Variants in TMPRSS9 observed in about 807,000 individuals in gnomAD.
The protein encoded by TMPRSS9 is transmembrane serine protease 9, also known as transmembrane protease serine 9.
A neutral mutation model predicts 111.4 loss-of-function variants in TMPRSS9; 113 were observed. The observed-to-expected ratio is 1.01, with a 90% CI of 0.87 to 1.19. The LOEUF (loss-of-function observed/expected upper bound fraction) is 1.19, where lower values mean the gene tolerates loss of function less well. Among genes scored for constraint, TMPRSS9 ranks in the 50% most tolerant of loss-of-function variants. The probability of loss-of-function intolerance (pLI) is 0.00; values close to 1 mark genes in which losing one functional copy is unlikely to be tolerated. For synonymous variants in TMPRSS9, 805 were observed against 659.1 expected, an observed-to-expected ratio of 1.22 and a Z score of -3.39; for missense variants, 1,803 against 1,513.1, an observed-to-expected ratio of 1.19 and a Z score of -3.18.
chr19:2,363,385 T>C (rs1352143120), intron 1 of TMPRSS9, among the ~76,000 whole-genome samples: 2 of 151,912 alleles, frequency 1.3e-5, no homozygotes, highest in East Asian at 1.9e-4. Flanking sequence ...CTGTGGTTGG[T>C]TAAGGGCTTT....
At chr19:2,376,010 A>T (rs1318559919) in intron 1 of TMPRSS9, among the ~76,000 whole-genome samples, 1 of 152,226 alleles carries the variant, frequency 6.6e-6, no homozygotes, top group East Asian at 1.9e-4. Context: ...CTCCGAAGTC[A>T]GCATCGAGTA....
intron 1 of TMPRSS9, among the ~76,000 whole-genome samples, chr19:2,368,786 T>TG (rs1384928777): frequency 3.4e-5 from 4 of 116,612 alleles, no homozygotes; most frequent in African/African-American, 1.5e-4. Flanking sequence ...TTTTTTTTTT[T>TG]TTTTTTTTTT....
chr19:2,365,620 A>C (rs1360341734), intron 1 of TMPRSS9, among the ~76,000 whole-genome samples: 3 of 146,946 alleles, frequency 2.0e-5, no homozygotes, highest in East Asian at 3.9e-4. Flanking sequence ...AAACAAACAA[A>C]CAAAAAAAAC....
Position 2,418,354 on chromosome 19 carries a change from C to T in TMPRSS9, c.2154+216C>T, listed in dbSNP as rs1287763897. Among the ~76,000 whole-genome samples, 17 of 69,054 alleles carry T rather than the reference C, an allele frequency of 2.5e-4. No homozygotes were observed. In the East Asian group the frequency reaches 7.9e-3, roughly 32 times the overall value. The allele number at this position is 69,054 out of a possible 152,430, so 45.3% of individuals were successfully genotyped here. On this transcript the variant is annotated intron_variant, in intron 13 of 17. Coordinates refer to ENST00000648592, the Ensembl canonical transcript of TMPRSS9. The stretch of plus-strand genomic sequence containing the variant: ...CCCTTTCCTTCCCTCCCTTTCCCTC[C>T]CTCCCTCCCTTCCCTTCCCTCCCTC...
intron 1 of TMPRSS9, among the ~76,000 whole-genome samples, chr19:2,376,235 C>T (rs1970332988): frequency 6.6e-6 from 1 of 152,140 alleles, no homozygotes; most frequent in Non-Finnish European, 1.5e-5. Context: ...CAGCCTCTTC[C>T]AGTCTCCCTG....
intron 17 of TMPRSS9, 164 bp downstream of exon 18, chr19:2,425,657 A>G (rs1971604626): frequency 1.5e-6 from 2 of 1,340,150 alleles, no homozygotes; most frequent in African/African-American, 3.1e-5. Flanking sequence ...TCCACTCCAC[A>G]GCCGTTTATT....
intron 1 of TMPRSS9, among the ~76,000 whole-genome samples, chr19:2,380,466 T>G (rs1022818297): frequency 3.3e-5 from 5 of 150,934 alleles, no homozygotes; most frequent in Non-Finnish European, 5.9e-5. Context: ...CCAGGCATGG[T>G]GGCATGCACC....
chr19:2,377,837 T>C (rs113132014), intron 1 of TMPRSS9, among the ~76,000 whole-genome samples: 14,282 of 144,764 alleles, frequency 0.099, 1,397 homozygotes, highest in African/African-American at 0.26. Flanking sequence ...CTCAGCCTCC[T>C]GAGTGGCTGG....
intron 1 of TMPRSS9, among the ~76,000 whole-genome samples, chr19:2,393,890 C>A (rs1970651589): frequency 9.9e-6 from 1 of 101,330 alleles, no homozygotes. Context: ...AAAGGGAGAC[C>A]ATGTCTCCAA....
chr19:2,395,875 G>A (rs530693057), intron 1 of TMPRSS9, among the ~76,000 whole-genome samples: 14 of 151,976 alleles, frequency 9.2e-5, no homozygotes, highest in African/African-American at 1.7e-4. Context: ...ACGCGTGGTC[G>A]TGGGTGCCTG....
At chr19:2,377,079 C>G (rs975371919) in intron 1 of TMPRSS9, among the ~76,000 whole-genome samples, 2 of 151,298 alleles carry the variant, frequency 1.3e-5, no homozygotes, top group Non-Finnish European at 2.9e-5. Flanking sequence ...GATCCCCACT[C>G]CTGGCTATCC....
Position 2,413,724 on chromosome 19 carries a change from T to C in TMPRSS9, c.1279T>C (p.Cys427Arg), listed in dbSNP as rs773529271. Residue 427 changes from cysteine (C) to arginine (R), a missense_variant, in exon 10 of 18, where the codon TGC becomes CGC. Physicochemically the swap from Cys to Arg is radical, Grantham distance 180. Transcript: ENST00000648592. ...GGGTGACTCAGGAGGACCCCTGGTC[T>C]GCGAGGAGCCCTCTGGCCGGTTCTT... 5.9e-5 allele frequency: 95 copies of C among 1,611,726 alleles called. No individual in the cohort carries two copies. The Admixed American group carries it at 9.0e-4, about 15-fold the overall frequency.
intron 6 of TMPRSS9, among the ~76,000 whole-genome samples, chr19:2,403,996 A>G (rs1970911774): frequency 6.7e-6 from 1 of 149,482 alleles, no homozygotes; most frequent in Non-Finnish European, 1.5e-5. Context: ...TGTCTCAAAA[A>G]AAAAAAAAAA....
intron 1 of TMPRSS9, among the ~76,000 whole-genome samples, chr19:2,366,002 AAAGAG>A (rs1431308473): frequency 3.3e-5 from 5 of 151,752 alleles, no homozygotes; most frequent in South Asian, 2.1e-4. Context: ...AGAGATGGAG[AAAGAG>A]AAGAGAAGAA....
In TMPRSS9 at chr19:2,422,238, C is replaced by T; in HGVS notation, c.2539C>T (p.Gln847Ter). 4 of 1,508,132 alleles carry T rather than the reference C, an allele frequency of 2.7e-6. No homozygotes were observed. The allele number at this position is 1,508,132 out of a possible 1,614,324, so 93.4% of individuals were successfully genotyped here. The change falls in exon 14 of 18, where the codon CAG becomes TAG. Residue 847 changes from glutamine (Q) to a stop codon, truncating the protein, a stop_gained. Coordinates refer to ENST00000648592, the Ensembl canonical transcript of TMPRSS9. LOFTEE classifies it high-confidence loss of function. Reference sequence around the variant, plus strand: ...CGCCCCGGAGGCCACCACACACACCCAGCTACCAGGTACCGGGAGAGACGG... The same window carrying T: ...CGCCCCGGAGGCCACCACACACACCTAGCTACCAGGTACCGGGAGAGACGG...
At chr19:2,360,736 G>A (rs1317094380) in intron 1 of TMPRSS9, among the ~76,000 whole-genome samples, 1 of 151,370 alleles carries the variant, frequency 6.6e-6, no homozygotes, top group Non-Finnish European at 1.5e-5. Context: ...GGACGCAGGT[G>A]TGGCGTGTGG....
At position 2,416,688 on chromosome 19, in the gene TMPRSS9, G is replaced by GGCCA. The variant is rs1417673808; in HGVS notation, c.1900_1903dup (p.Pro635GlnfsTer60). 1 of 1,613,034 alleles carries GGCCA rather than the reference G, an allele frequency of 6.2e-7. No individual in the cohort carries two copies. The highest frequency in any genetic ancestry group is 1.3e-5 in the African/African-American group (1 of 74,938). On this transcript the variant is annotated frameshift_variant, in exon 12 of 18. Coordinates refer to ENST00000648592, the Ensembl canonical transcript of TMPRSS9. LOFTEE classifies it high-confidence loss of function. Reference sequence around the variant, plus strand: ...ACTTCGACCTGGCTGTCCTGGAGCTGGCCAGCCCCCTGGCCTTCAACAAAT... The same window carrying GGCCA: ...ACTTCGACCTGGCTGTCCTGGAGCTGGCCAGCCAGCCCCCTGGCCTTCAACAAAT...
chr19:2,425,109 A>G (rs1555681715), exon 16 of TMPRSS9: 8 of 1,583,948 alleles, frequency 5.1e-6, no homozygotes, highest in South Asian at 1.1e-5. Context: ...CCGTTCTACA[A>G]TCTCTACACG....
upstream of TMPRSS9, among the ~76,000 whole-genome samples, chr19:2,389,076 CTTTT>C (rs1197842508): frequency 7.2e-6 from 1 of 139,770 alleles, no homozygotes; most frequent in Non-Finnish European, 1.6e-5. Flanking sequence ...CACGTTCCAC[CTTTT>C]TTTTTTTTTT....
Sources: gnomAD v4.1 joint callset for allele counts (sites outside exome capture counted in the v4.1 genomes callset) on GRCh38, gnomAD v4.1.1 for gene constraint, MANE v1.5 for transcripts, NCBI Gene and HGNC (gene_info 2026-07-23, HGNC 2026-07-21) for gene names.